The following MFHAS1 variants were observed in gnomAD, a reference collection of about 807,000 sequenced individuals.
MFHAS1 encodes the protein multifunctional ROCO family signaling regulator 1.
Under a neutral mutation model 70.4 loss-of-function variants are expected in MFHAS1, and 50 were observed. The observed-to-expected ratio is 0.71, with a 90% confidence interval of 0.57 to 0.90. MFHAS1 has a LOEUF of 0.90. Ranked by LOEUF, MFHAS1 falls within the 40% of genes least tolerant of loss-of-function variation. The pLI is 0.00. For missense variants in MFHAS1, 1,795 were observed against 1,347.6 expected (o/e 1.33, Z -5.20); for synonymous variants, 952 against 620.0 (o/e 1.54, Z -7.96).
chr8:8,828,573 C>T (rs1400105120), intron 1 of MFHAS1, among the ~76,000 whole-genome samples: 3 of 152,098 alleles, frequency 2.0e-5, no homozygotes, highest in Non-Finnish European at 2.9e-5. Context: ...GTTTCAGACA[C>T]GACCAGTTAA....
chr8:8,884,583 G>C (rs1333146089), intron 1 of MFHAS1, among the ~76,000 whole-genome samples: 1 of 152,192 alleles, frequency 6.6e-6, no homozygotes, highest in Non-Finnish European at 1.5e-5. Flanking sequence ...ACTGTGAGGG[G>C]GAGGGAGTTG....
chr8:8,855,191 G>A (rs1243568616), intron 1 of MFHAS1, among the ~76,000 whole-genome samples: 1 of 152,214 alleles, frequency 6.6e-6, no homozygotes, highest in African/African-American at 2.4e-5. Flanking sequence ...GGGCTCAGGG[G>A]ATCCACCCGC....
chr8:8,887,445 T>C (rs943684917), intron 1 of MFHAS1, among the ~76,000 whole-genome samples: 5 of 151,766 alleles, frequency 3.3e-5, no homozygotes, highest in African/African-American at 1.2e-4. Context: ...AATCATGTTT[T>C]CTACTATTCT....
intron 1 of MFHAS1, among the ~76,000 whole-genome samples, chr8:8,814,360 T>A (rs560215356): frequency 6.6e-6 from 1 of 152,240 alleles, no homozygotes; most frequent in Non-Finnish European, 1.5e-5. Flanking sequence ...TACAGGTTTG[T>A]AGCCCAAGAG....
At chr8:8,802,903 A>C (rs990265277) in intron 1 of MFHAS1, among the ~76,000 whole-genome samples, 5 of 152,222 alleles carry the variant, frequency 3.3e-5, no homozygotes, top group African/African-American at 1.2e-4. Flanking sequence ...GAACATCCTT[A>C]AAGGGGCTGA....
At chr8:8,859,281 T>C (rs1328049482) in intron 1 of MFHAS1, among the ~76,000 whole-genome samples, 1 of 152,112 alleles carries the variant, frequency 6.6e-6, no homozygotes, top group East Asian at 1.9e-4. Flanking sequence ...GAGGTGGAAG[T>C]TGTAGTGAGC....
chr8:8,884,074 A>ACG (rs1231195526), intron 1 of MFHAS1, among the ~76,000 whole-genome samples: 1 of 148,480 alleles, frequency 6.7e-6, no homozygotes, highest in Admixed American at 6.7e-5. Context: ...ACACACACAC[A>ACG]CACACACAAA....
At chr8:8,860,291 G>A (rs1488449775) in intron 1 of MFHAS1, among the ~76,000 whole-genome samples, 5 of 152,122 alleles carry the variant, frequency 3.3e-5, no homozygotes, top group African/African-American at 7.2e-5. Context: ...ACTGTGCTAC[G>A]CGTCAACAAT....
Position 8,893,628 on chromosome 8 carries a change from G to C in MFHAS1, c.-570C>G, listed in dbSNP as rs992458333. 5 of 146,664 alleles carry C rather than the reference G, an allele frequency of 3.4e-5. No individual in the cohort carries two copies. The highest frequency in any genetic ancestry group is 2.0e-4 in the East Asian group (1 of 5,016). 9.1% of individuals were successfully genotyped at this position (146,664 alleles called of 1,614,324 possible). Reference sequence around the variant, plus strand: ...CGCTGGGAGGGCGCGATTGGGAAGCGGCAGCGCCGCCCGCCGGAGCGGCCC... The same window carrying C: ...CGCTGGGAGGGCGCGATTGGGAAGCCGCAGCGCCGCCCGCCGGAGCGGCCC... On this transcript the variant is annotated 5_prime_UTR_variant, in exon 1 of 3. Transcript: ENST00000276282.
intron 1 of MFHAS1, among the ~76,000 whole-genome samples, chr8:8,838,871 T>C (rs1807702147): frequency 6.6e-6 from 1 of 152,002 alleles, no homozygotes; most frequent in Non-Finnish European, 1.5e-5. Flanking sequence ...TGAGTACCAG[T>C]TATTTTCATA....
At chr8:8,852,712 G>C (rs1158283202) in intron 1 of MFHAS1, among the ~76,000 whole-genome samples, 1 of 152,148 alleles carries the variant, frequency 6.6e-6, no homozygotes, top group Non-Finnish European at 1.5e-5. Context: ...CTGAAGTCCA[G>C]AGAAAAAGCT....
chr8:8,871,604 CACA>C (rs931630014), intron 1 of MFHAS1, among the ~76,000 whole-genome samples: 1 of 152,192 alleles, frequency 6.6e-6, no homozygotes, highest in African/African-American at 2.4e-5. Flanking sequence ...ATTTCCCCCT[CACA>C]ACATCTAAGG....
At chr8:8,832,619 AT>A (rs753271051) in intron 1 of MFHAS1, among the ~76,000 whole-genome samples, 2 of 114,330 alleles carry the variant, frequency 1.7e-5, no homozygotes, top group African/African-American at 5.6e-5. Context: ...TGCAACCAGA[AT>A]TTTTTTCTTT....
At chr8:8,880,767 C>T (rs573498075) in intron 1 of MFHAS1, among the ~76,000 whole-genome samples, 6 of 151,922 alleles carry the variant, frequency 3.9e-5, no homozygotes, top group Non-Finnish European at 7.4e-5. Context: ...TCACTGCAAC[C>T]TCCGCCTCTT....
In MFHAS1 at chr8:8,889,290, G is replaced by T. The variant is rs564698276; in HGVS notation, c.2998+771C>A. ...AATTCCCGAGGAAACGCCCCTCAAA[G>T]ATTTCAGTCATCTATCTTCCATGTC... On this transcript the variant is annotated intron_variant, in intron 1 of 2. Transcript: ENST00000276282. Among the ~76,000 whole-genome samples the T allele has an allele frequency of 5.9e-5, 9 of 152,244 alleles. No individual in the cohort carries two copies. The East Asian group carries it at 1.7e-3, about 29-fold the overall frequency.
At chr8:8,838,430 C>T (rs1471525162) in intron 1 of MFHAS1, among the ~76,000 whole-genome samples, 1 of 152,154 alleles carries the variant, frequency 6.6e-6, no homozygotes, top group Admixed American at 6.6e-5. Context: ...TTACGCTATC[C>T]TGCTGTGTTT....
chr8:8,884,088 A>G (rs1041911558), intron 1 of MFHAS1, among the ~76,000 whole-genome samples: 31 of 147,720 alleles, frequency 2.1e-4, no homozygotes, highest in African/African-American at 3.9e-4. Context: ...ACACAAAAAG[A>G]AAAAAAAAAT....
At chr8:8,845,235 A>C (rs1416701388) in intron 1 of MFHAS1, among the ~76,000 whole-genome samples, 2 of 152,230 alleles carry the variant, frequency 1.3e-5, no homozygotes, top group African/African-American at 4.8e-5. Flanking sequence ...GTAGTTTTCT[A>C]GGTTAGTTCA....
chr8:8,819,358 C>A (rs968392601), intron 1 of MFHAS1, among the ~76,000 whole-genome samples: 10 of 152,230 alleles, frequency 6.6e-5, no homozygotes, highest in South Asian at 4.2e-4. Flanking sequence ...GTAATCCCAG[C>A]ACTTTGGGAG....
Sources: gnomAD v4.1 joint callset for allele counts (sites outside exome capture counted in the v4.1 genomes callset) on GRCh38, gnomAD v4.1.1 for gene constraint, MANE v1.5 for transcripts, NCBI Gene and HGNC (gene_info 2026-07-23, HGNC 2026-07-21) for gene names.